CAMK1D: variants seen among roughly 807,000 people sequenced by gnomAD.
CAMK1D encodes the protein calcium/calmodulin dependent protein kinase ID.
Under a neutral mutation model 47.7 loss-of-function variants are expected in CAMK1D, and 9 were observed. The ratio of observed to expected loss-of-function variants is 0.19; its 90% CI spans 0.11 to 0.33. The LOEUF is 0.33. Among genes scored for constraint, CAMK1D ranks in the 10% least tolerant of loss-of-function variants. CAMK1D has a pLI of 1.00. For synonymous variants in CAMK1D, 184 were observed against 184.9 expected (o/e 0.99, Z 0.04); for missense variants, 291 against 488.7 (o/e 0.60, Z 3.81).
At chr10:12,481,550 C>T (rs984238309) in intron 1 of CAMK1D, among the ~76,000 whole-genome samples, 4 of 152,046 alleles carry the variant, frequency 2.6e-5, no homozygotes, top group African/African-American at 7.2e-5. Context: ...CGCCCTGTTG[C>T]CCAGGCTGGA....
chr10:12,618,099 A>G (rs975514060), intron 2 of CAMK1D, among the ~76,000 whole-genome samples: 6 of 152,172 alleles, frequency 3.9e-5, no homozygotes, highest in Non-Finnish European at 8.8e-5. Context: ...TGACTTAATT[A>G]GATCCAGTGG....
intron 2 of CAMK1D, among the ~76,000 whole-genome samples, chr10:12,609,340 G>A (rs115497419): frequency 3.3e-5 from 5 of 152,150 alleles, no homozygotes; most frequent in Non-Finnish European, 5.9e-5. Context: ...CCATGGAGAC[G>A]GGGTGGGGGA....
chr10:12,538,604 A>G, intron 1 of CAMK1D, among the ~76,000 whole-genome samples: 1 of 152,132 alleles, frequency 6.6e-6, no homozygotes, highest in East Asian at 1.9e-4. Context: ...TTGTCTTGCG[A>G]TGATGAGGAT....
chr10:12,691,826 C>T (rs1480507777), intron 3 of CAMK1D, among the ~76,000 whole-genome samples: 1 of 152,108 alleles, frequency 6.6e-6, no homozygotes, highest in Non-Finnish European at 1.5e-5. Flanking sequence ...GGGAGAAAGC[C>T]TTGAATAACC....
intron 5 of CAMK1D, among the ~76,000 whole-genome samples, chr10:12,785,489 A>G (rs946564118): frequency 6.6e-5 from 10 of 152,000 alleles, no homozygotes; most frequent in African/African-American, 1.9e-4. Flanking sequence ...TTAGAATACA[A>G]TTTCTCCTTG....
chr10:12,734,882 G>T (rs1011006272), intron 3 of CAMK1D, among the ~76,000 whole-genome samples: 2 of 152,146 alleles, frequency 1.3e-5, no homozygotes, highest in Admixed American at 6.5e-5. Context: ...GTGGATTTGG[G>T]CATTTGGACA....
intron 1 of CAMK1D, among the ~76,000 whole-genome samples, chr10:12,538,445 A>G (rs1236185858): frequency 1.3e-5 from 2 of 152,282 alleles, no homozygotes; most frequent in Non-Finnish European, 1.5e-5. Flanking sequence ...AACGGTGAAA[A>G]TGATCTGTGT....
chr10:12,759,593 C>T (rs1836404468), intron 3 of CAMK1D, among the ~76,000 whole-genome samples: 1 of 152,088 alleles, frequency 6.6e-6, no homozygotes, highest in South Asian at 2.1e-4. Context: ...GTAGTTTCTC[C>T]CAGTCGTTTC....
chr10:12,463,756 A>G (rs1419719794), intron 1 of CAMK1D, among the ~76,000 whole-genome samples: 1 of 151,904 alleles, frequency 6.6e-6, no homozygotes, highest in Non-Finnish European at 1.5e-5. Flanking sequence ...CTTGGATTAT[A>G]ATTCCTATAA....
Position 12,614,785 on chromosome 10 carries a change from A to G in CAMK1D, c.225-51951A>G, listed in dbSNP as rs117714905. ...CTTATTCACCATGTGCTCTAGGGCT[A>G]CCAGCTGTTGTTATACTGGGAATCG... On this transcript the variant is annotated intron_variant, in intron 2 of 10. Transcript: ENST00000619168. Among the ~76,000 whole-genome samples the G allele has an allele frequency of 3.5e-3, 534 of 152,298 alleles. 5 individuals carry two copies. The East Asian group carries it at 0.042, about 12-fold the overall frequency.
chr10:12,567,591 C>T lies in CAMK1D; in HGVS notation c.224+14235C>T, dbSNP rs117676699. 7.6e-3 allele frequency among the ~76,000 whole-genome samples: 1,155 copies of T among 152,310 alleles called. 32 individuals carry two copies. The East Asian group carries it at 0.082, about 11-fold the overall frequency. ...AAACTTGTGGAAAGAAGTTTTCACG[C>T]AGGTGTTCAGTGTTCTTTCTAATGA... is the stretch of plus-strand genomic sequence containing the variant. On this transcript the variant is annotated intron_variant, in intron 2 of 10. Transcript: ENST00000619168.
intron 2 of CAMK1D, among the ~76,000 whole-genome samples, chr10:12,599,527 A>G (rs572497993): frequency 1.2e-3 from 190 of 152,284 alleles, no homozygotes; most frequent in Middle Eastern, 3.4e-3. Flanking sequence ...GTAAGAAGAA[A>G]AGAGCCAGTC....
intron 2 of CAMK1D, among the ~76,000 whole-genome samples, chr10:12,557,715 A>G (rs750968856): frequency 2.6e-5 from 4 of 151,660 alleles, no homozygotes; most frequent in Admixed American, 6.6e-5. Flanking sequence ...TTTCCACGCT[A>G]TTTGTGTTTG....
At chr10:12,371,007 T>C (rs1423793958) in intron 1 of CAMK1D, among the ~76,000 whole-genome samples, 1 of 152,066 alleles carries the variant, frequency 6.6e-6, no homozygotes, top group Non-Finnish European at 1.5e-5. Context: ...AGCTATACAG[T>C]GTGTGTGTTT....
chr10:12,455,934 G>A (rs1222687339), intron 1 of CAMK1D, among the ~76,000 whole-genome samples: 2 of 152,190 alleles, frequency 1.3e-5, no homozygotes, highest in African/African-American at 4.8e-5. Context: ...CAGTATGAAA[G>A]CAGATCATTG....
chr10:12,656,681 T>C (rs1285356144), intron 2 of CAMK1D, among the ~76,000 whole-genome samples: 1 of 152,190 alleles, frequency 6.6e-6, no homozygotes, highest in Non-Finnish European at 1.5e-5. Context: ...TTAGGTATCA[T>C]AGTCTTGGCT....
intron 1 of CAMK1D, among the ~76,000 whole-genome samples, chr10:12,474,219 G>C (rs1436602336): frequency 5.5e-5 from 2 of 36,664 alleles, no homozygotes; most frequent in Non-Finnish European, 1.2e-4. Context: ...TTTTTTTTTT[G>C]AGAGAGTCTT....
rs749033648 is a variant in CAMK1D at position 12,712,579 on chromosome 10, G to T, written c.299+45769G>T. 5.3e-5 allele frequency among the ~76,000 whole-genome samples: 8 copies of T among 152,130 alleles called. No homozygotes were observed. The South Asian group carries it at 8.3e-4, about 16-fold the overall frequency. On this transcript the variant is annotated intron_variant, in intron 3 of 10. Transcript: ENST00000619168. ...CTCCTTCTCACTGTGTTCTCACATG[G>T]TGGACAAAAAGAGGGCTCTGGCGTC... is the stretch of plus-strand genomic sequence containing the variant.
Position 12,825,795 on chromosome 10 carries a change from C to A in CAMK1D, c.1039+105C>A, listed in dbSNP as rs568394865. ...CCGAGCACCTCCTGTTTGCCAGGCG[C>A]TTTCTATACTTAATCCCATGTCATG... On this transcript the variant is annotated intron_variant, in intron 10 of 10. Coordinates refer to ENST00000619168, the MANE Select transcript of CAMK1D (RefSeq NM_153498.4). 1.9e-5 allele frequency: 30 copies of A among 1,570,500 alleles called. 1 individual carries two copies. The South Asian group carries it at 3.1e-4, about 16-fold the overall frequency.
Sources: gnomAD v4.1 joint callset for allele counts (sites outside exome capture counted in the v4.1 genomes callset) on GRCh38, gnomAD v4.1.1 for gene constraint, MANE v1.5 for transcripts, NCBI Gene and HGNC (gene_info 2026-07-23, HGNC 2026-07-21) for gene names.